The following ACTR3C variants were observed in gnomAD, a reference collection of about 807,000 sequenced individuals.
ACTR3C encodes actin-related protein 3C.
In ACTR3C, 18 loss-of-function variants were observed where a neutral mutation model predicts 26.3. The observed-to-expected ratio is 0.68, with a 90% CI of 0.47 to 1.01. The LOEUF (loss-of-function observed/expected upper bound fraction) is 1.01, where lower values mean the gene tolerates loss of function less well. Among genes scored for constraint, ACTR3C ranks in the 50% least tolerant of loss-of-function variants. ACTR3C has a pLI of 0.00. For missense variants in ACTR3C, 184 were observed against 250.7 expected (o/e 0.73, Z 1.80); for synonymous variants, 55 against 94.5 (o/e 0.58, Z 2.42).
the ACTR3C span, among the ~76,000 whole-genome samples, chr7:150,067,215 A>AG: frequency 1.3e-5 from 2 of 152,258 alleles, no homozygotes; most frequent in Non-Finnish European, 2.9e-5. Flanking sequence ...GTTCCTTCTT[A>AG]CATTGAATTT....
the ACTR3C span, among the ~76,000 whole-genome samples, chr7:150,233,208 T>C: frequency 2.0e-5 from 3 of 150,458 alleles, no homozygotes; most frequent in Non-Finnish European, 1.5e-5. Context: ...CTCAAGTTTG[T>C]ATTTTTTTTC....
chr7:150,210,307 T>C, the ACTR3C span, among the ~76,000 whole-genome samples: 1 of 150,182 alleles, frequency 6.7e-6, no homozygotes, highest in Non-Finnish European at 1.5e-5. Context: ...GGAAAATAAT[T>C]TAACAGTTTC....
chr7:150,154,549 T>G, the ACTR3C span, among the ~76,000 whole-genome samples: 1 of 152,106 alleles, frequency 6.6e-6, no homozygotes, highest in African/African-American at 2.4e-5. Flanking sequence ...AATCCTAAAT[T>G]AGTCCTTGCA....
chr7:150,065,306 C>T, the ACTR3C span, among the ~76,000 whole-genome samples: 2 of 152,158 alleles, frequency 1.3e-5, no homozygotes, highest in East Asian at 1.9e-4. Flanking sequence ...AATTTACCAT[C>T]GAAAACCAAA....
At chr7:149,992,533 G>A in the ACTR3C span, among the ~76,000 whole-genome samples, 1 of 152,224 alleles carries the variant, frequency 6.6e-6, no homozygotes, top group East Asian at 1.9e-4. Flanking sequence ...TATGAGAAAT[G>A]CACAACCCCT....
At chr7:150,195,678 A>C in the ACTR3C span, among the ~76,000 whole-genome samples, 1 of 152,232 alleles carries the variant, frequency 6.6e-6, no homozygotes, top group African/African-American at 2.4e-5. Context: ...CAGGAGTTAG[A>C]GACCAGCCTG....
the ACTR3C span, among the ~76,000 whole-genome samples, chr7:150,007,199 C>T: frequency 2.6e-5 from 4 of 152,092 alleles, no homozygotes; most frequent in Non-Finnish European, 4.4e-5. Context: ...ACACAGCACC[C>T]GCTTTTGCCA....
At chr7:150,001,451 G>A in the ACTR3C span, 1 of 152,280 alleles carries the variant, frequency 6.6e-6, no homozygotes, top group Non-Finnish European at 1.5e-5. Flanking sequence ...AGTAGTGGGT[G>A]ATACATCCCC....
At chr7:150,176,732 C>T in the ACTR3C span, among the ~76,000 whole-genome samples, 1 of 150,772 alleles carries the variant, frequency 6.6e-6, no homozygotes, top group Admixed American at 6.6e-5. Context: ...TTTATGAAGT[C>T]TTCTCTTAGG....
chr7:149,979,323 C>T, the ACTR3C span, among the ~76,000 whole-genome samples: 5 of 152,254 alleles, frequency 3.3e-5, no homozygotes, highest in Middle Eastern at 6.8e-3. Context: ...AAATCTGCAT[C>T]GCATTGTCAG....
the ACTR3C span, among the ~76,000 whole-genome samples, chr7:150,188,837 G>C: frequency 0.029 from 4,322 of 150,448 alleles, 142 homozygotes; most frequent in African/African-American, 0.1. Flanking sequence ...ATCTGAGTAA[G>C]AGGTACATTC....
chr7:150,057,634 C>T, the ACTR3C span, among the ~76,000 whole-genome samples: 2 of 152,184 alleles, frequency 1.3e-5, no homozygotes, highest in African/African-American at 4.8e-5. Flanking sequence ...ATTAAGTCCA[C>T]CAATCAAAAA....
At chr7:150,034,993 C>T in the ACTR3C span, among the ~76,000 whole-genome samples, 259 of 117,544 alleles carry the variant, frequency 2.2e-3, no homozygotes, top group African/African-American at 6.4e-3. Flanking sequence ...GCCTCCCCCT[C>T]CTGTGATGGG....
chr7:150,226,940 T>G, the ACTR3C span, among the ~76,000 whole-genome samples: 14 of 151,642 alleles, frequency 9.2e-5, no homozygotes, highest in African/African-American at 3.4e-4. Context: ...ATTAAGCAAA[T>G]TTGTATTTTG....
At chr7:150,072,030 G>A in the ACTR3C span, among the ~76,000 whole-genome samples, 2 of 146,252 alleles carry the variant, frequency 1.4e-5, no homozygotes, top group Admixed American at 1.3e-4. Flanking sequence ...GTGAAGAAGG[G>A]AAGAGGGCTT....
the ACTR3C span, among the ~76,000 whole-genome samples, chr7:150,232,893 C>G: frequency 6.6e-6 from 1 of 151,980 alleles, no homozygotes; most frequent in Non-Finnish European, 1.5e-5. Context: ...AGTAATCTAA[C>G]TCCACCTTTA....
the ACTR3C span, among the ~76,000 whole-genome samples, chr7:150,229,765 G>A: frequency 6.6e-6 from 1 of 150,824 alleles, no homozygotes; most frequent in Non-Finnish European, 1.5e-5. Context: ...CAAAGTGCTG[G>A]GATAACAGGC....
chr7:150,271,392 C>A (rs1348959954), intron 6 of ACTR3C, among the ~76,000 whole-genome samples: 2 of 150,976 alleles, frequency 1.3e-5, no homozygotes, highest in Admixed American at 1.3e-4. Context: ...GTGTCCATGT[C>A]TTCTCATTGT....
At chr7:150,198,818 C>CT in the ACTR3C span, among the ~76,000 whole-genome samples, 1 of 146,364 alleles carries the variant, frequency 6.8e-6, no homozygotes, top group African/African-American at 2.6e-5. Flanking sequence ...GGGTCAGCCC[C>CT]CCGCCCGGCC....
Sources: gnomAD v4.1 joint callset for allele counts (sites outside exome capture counted in the v4.1 genomes callset) on GRCh38, gnomAD v4.1.1 for gene constraint, MANE v1.5 for transcripts, NCBI Gene and HGNC (gene_info 2026-07-23, HGNC 2026-07-21) for gene names.